MKRN3: variants seen among roughly 807,000 people sequenced by gnomAD.
The protein encoded by MKRN3 is makorin ring finger protein 3, also known as E3 ubiquitin-protein ligase makorin-3.
For synonymous variants in MKRN3, 301 were observed against 250.2 expected, an observed-to-expected ratio of 1.20 and a Z score of -1.91; for missense variants, 749 against 667.0, an observed-to-expected ratio of 1.12 and a Z score of -1.35.
Position 23,567,633 on chromosome 15 carries a change from G to C in MKRN3, c.*327G>C. 2 of 1,113,852 alleles carry C rather than the reference G, an allele frequency of 1.8e-6. No homozygotes were observed. The highest frequency in any genetic ancestry group is 2.2e-6 in the Non-Finnish European group (2 of 902,382). The allele number at this position is 1,113,852 out of a possible 1,614,324, so 69.0% of individuals were successfully genotyped here. A position where few individuals can be genotyped will look rare whatever the true frequency, so the allele number is the denominator to read the frequency against. ...ATTTTGAAGACCCTCAAGAGTAAATGTGGCAGAGTGAAAGGAGAAGTTTTA... is the reference window on the plus strand; with the variant it reads ...ATTTTGAAGACCCTCAAGAGTAAATCTGGCAGAGTGAAAGGAGAAGTTTTA... On this transcript the variant is annotated 3_prime_UTR_variant, in exon 1 of 1. Coordinates refer to ENST00000314520, the MANE Select transcript of MKRN3 (RefSeq NM_005664.4).
In MKRN3 at chr15:23,566,453, C is replaced by T. The variant is rs1218145573; in HGVS notation, c.671C>T (p.Pro224Leu). Residue 224 changes from proline to leucine, a missense_variant, in exon 1 of 1, where the codon CCT (proline) becomes CTT (leucine). By Grantham distance (98) the Pro-to-Leu change is moderately conservative. Transcript: ENST00000314520. ...GRWVASAPEA[P>L]LQSSETERKQ... ...TGGGTTGCATCTGCCCCCGAGGCTC[C>T]TCTACAGAGCTCAGAGACTGAGAGG... The T allele has an allele frequency of 1.3e-5, 21 of 1,614,000 alleles. No homozygotes were observed. Among genetic ancestry groups the T allele is most frequent in the Non-Finnish European group, 1.7e-5 (20 of 1,180,006 alleles).
rs1444142178 is a variant in MKRN3, at chr15:23,567,555, TGTC to T, written c.*250_*252del. 3 of 1,344,106 alleles carry T rather than the reference TGTC, an allele frequency of 2.2e-6. No individual in the cohort carries two copies. The African/African-American group carries it at 4.4e-5, about 20-fold the overall frequency. The allele number at this position is 1,344,106 out of a possible 1,614,324, so 83.3% of individuals were successfully genotyped here. On this transcript the variant is annotated 3_prime_UTR_variant, in exon 1 of 1. Coordinates refer to ENST00000314520, the MANE Select transcript of MKRN3 (RefSeq NM_005664.4). ...TATGGCTTTTTTTTGTCATCTCTGT[TGTC>T]AACAGGATTAACTCAGTTCTAGTGT...
chr15:23,565,815 C>G lies in MKRN3; in HGVS notation c.33C>G (p.His11Gln). The change falls in exon 1 of 1, where the codon CAC (histidine) becomes CAG (glutamine). Residue 11 changes from histidine to glutamine, a missense_variant. Physicochemically the swap from His to Gln is conservative, Grantham distance 24 (BLOSUM62 0). Coordinates refer to ENST00000314520, the MANE Select transcript of MKRN3 (RefSeq NM_005664.4). ...AGCCTGCAGCTCCCTCAGAAGCCCA[C>G]GAGGCAGCCGGGGCCCAGGCAGGTG... MEEPAAPSEA[H>Q]EAAGAQAGAE... 6.2e-7 allele frequency: 1 copy of G among 1,608,416 alleles called. No individual in the cohort carries two copies. Among genetic ancestry groups the G allele is most frequent in the Non-Finnish European group, 8.5e-7 (1 of 1,176,282 alleles).
At position 23,567,510 on chromosome 15, in the gene MKRN3, A is replaced by C; in HGVS notation, c.*204A>C. The C allele has an allele frequency of 7.1e-7, 1 of 1,407,620 alleles. No homozygotes were observed. The allele number at this position is 1,407,620 out of a possible 1,614,324, so 87.2% of individuals were successfully genotyped here. On this transcript the variant is annotated 3_prime_UTR_variant, in exon 1 of 1. Coordinates refer to ENST00000314520, the MANE Select transcript of MKRN3 (RefSeq NM_005664.4). ...GTCCTTAAAGTTACTGTTTTGGTGA[A>C]ATTAATATTAATGTCAGCTTATGGC...
rs1889108035 is a variant in MKRN3 at position 23,566,834 on chromosome 15, G to C, written c.1052G>C (p.Arg351Thr). ...TGTATCCGCAGGTGGAGAAGTGCCA[G>C]ACAGTTTGAGAACAGGATCGTCAAG... ...IRCIRRWRSA[R>T]QFENRIVKSC... is the part of the protein sequence containing the mutation. Residue 351 changes from arginine (R) to threonine (T), a missense_variant, in exon 1 of 1, where the codon AGA (arginine) becomes ACA (threonine). Transcript: ENST00000314520. The C allele has an allele frequency of 4.3e-6, 7 of 1,614,224 alleles. No homozygotes were observed. The highest frequency in any genetic ancestry group is 5.9e-6 in the Non-Finnish European group (7 of 1,180,038).
In MKRN3 at chr15:23,566,669, A is replaced by G. The variant is rs1218349506; in HGVS notation, c.887A>G (p.Asp296Gly). ...MRACIEAHEK[D>G]MELSFAVQRG... ...GCCTGCATTGAAGCACACGAGAAAG[A>G]TATGGAACTCTCGTTTGCTGTGCAG... The change falls in exon 1 of 1, where the codon GAT becomes GGT. Residue 296 changes from aspartate (D) to glycine (G), a missense_variant. Physicochemically the swap from Asp to Gly is moderately conservative, Grantham distance 94 (BLOSUM62 -1). Transcript: ENST00000314520. 1 of 1,614,186 alleles carries G rather than the reference A, an allele frequency of 6.2e-7. No individual in the cohort carries two copies.
rs199803521 is a variant in MKRN3 at position 23,566,243 on chromosome 15, A to C, written c.461A>C (p.Gln154Pro). ...GCTGCGCACATCGAGCCCCCGACTC[A>C]GGAAGTGGCGGAAGCCCCCCCGGCT... ...STAAHIEPPT[Q>P]EVAEAPPAAS... Residue 154 changes from glutamine (Q) to proline (P), a missense_variant, in exon 1 of 1, where the codon CAG (glutamine) becomes CCG (proline). Gln to Pro is a moderately conservative substitution (Grantham distance 76). Transcript: ENST00000314520. 2 of 1,613,724 alleles carry C rather than the reference A, an allele frequency of 1.2e-6. No individual in the cohort carries two copies. Among genetic ancestry groups the C allele is most frequent in the South Asian group, 1.1e-5 (1 of 91,084 alleles).
chr15:23,567,201 G>GTTGT lies in MKRN3; in HGVS notation c.1422_1425dup (p.Lys476ValfsTer2), dbSNP rs1566765362. ...TTGTCGTGCTTCGGCTGGCCAGTCT[G>GTTGT]TTGTTTAAGCGGTTTCTTTCACTGA... is the stretch of plus-strand genomic sequence containing the variant. On this transcript the variant is annotated frameshift_variant, in exon 1 of 1. Coordinates refer to ENST00000314520, the MANE Select transcript of MKRN3 (RefSeq NM_005664.4). LOFTEE classifies it low-confidence loss of function (END_TRUNC). 5.0e-6 allele frequency: 8 copies of GTTGT among 1,614,212 alleles called. No individual in the cohort carries two copies. The highest frequency in any genetic ancestry group is 6.8e-6 in the Non-Finnish European group (8 of 1,180,046).
Position 23,567,193 on chromosome 15 carries a change from G to A in MKRN3, c.1411G>A (p.Ala471Thr). ...GAAGGAGCTTGTCGTGCTTCGGCTG[G>A]CCAGTCTGTTGTTTAAGCGGTTTCT... ...IKKELVVLRL[A>T]SLLFKRFLSL... Residue 471 changes from alanine to threonine, a missense_variant, in exon 1 of 1, where the codon GCC (alanine) becomes ACC (threonine). Physicochemically the swap from Ala to Thr is moderately conservative, Grantham distance 58. Coordinates refer to ENST00000314520, the MANE Select transcript of MKRN3 (RefSeq NM_005664.4). 6.2e-7 allele frequency: 1 copy of A among 1,614,222 alleles called. No individual in the cohort carries two copies. The highest frequency in any genetic ancestry group is 1.1e-5 in the South Asian group (1 of 91,090).
chr15:23,565,765 C>G lies in MKRN3; in HGVS notation c.-18C>G, dbSNP rs373047611. 4 of 1,563,442 alleles carry G rather than the reference C, an allele frequency of 2.6e-6. No homozygotes were observed. In the South Asian group the frequency reaches 4.6e-5, roughly 18 times the overall value. ...TACCGGAGAGGTTCTGGCACCATTT[C>G]GGGGTGCCAAAGCAGCCATGGAAGA... On this transcript the variant is annotated 5_prime_UTR_variant, in exon 1 of 1. Transcript: ENST00000314520.
In MKRN3 at chr15:23,567,452, A is replaced by G. The variant is rs775822373; in HGVS notation, c.*146A>G. Reference sequence around the variant, plus strand: ...GTCTATTCTGCATATCTTTCCCCCTAGGATTATGGTGATTATCTGTGTTAA... The same window carrying G: ...GTCTATTCTGCATATCTTTCCCCCTGGGATTATGGTGATTATCTGTGTTAA... On this transcript the variant is annotated 3_prime_UTR_variant, in exon 1 of 1. Coordinates refer to ENST00000314520, the MANE Select transcript of MKRN3 (RefSeq NM_005664.4). 3.4e-4 allele frequency: 503 copies of G among 1,464,956 alleles called. No individual in the cohort carries two copies. Among genetic ancestry groups the G allele is most frequent in the Non-Finnish European group, 4.5e-4 (494 of 1,106,540 alleles). The allele number at this position is 1,464,956 out of a possible 1,614,324, so 90.7% of individuals were successfully genotyped here.
At position 23,566,849 on chromosome 15, in the gene MKRN3, G is replaced by C; in HGVS notation, c.1067G>C (p.Arg356Thr). ...AGAAGTGCCAGACAGTTTGAGAACA[G>C]GATCGTCAAGTCTTGCCCACAGTGC... ...RWRSARQFEN[R>T]IVKSCPQCRV... The change falls in exon 1 of 1, where the codon AGG becomes ACG. Residue 356 changes from arginine (R) to threonine (T), a missense_variant. Physicochemically the swap from Arg to Thr is moderately conservative, Grantham distance 71 (BLOSUM62 -1). Transcript: ENST00000314520. 1 of 1,614,248 alleles carries C rather than the reference G, an allele frequency of 6.2e-7. No homozygotes were observed. The highest frequency in any genetic ancestry group is 8.5e-7 in the Non-Finnish European group (1 of 1,180,052).
rs1263127806 is a variant in MKRN3 at position 23,567,910 on chromosome 15, A to G, written c.*604A>G. On this transcript the variant is annotated 3_prime_UTR_variant, in exon 1 of 1. Coordinates refer to ENST00000314520, the MANE Select transcript of MKRN3 (RefSeq NM_005664.4). ...GGAAATATATATTTAAGAATTATAT[A>G]TATAAAAATATATATGTATAAGAGT... 1.3e-6 allele frequency: 1 copy of G among 761,892 alleles called. No individual in the cohort carries two copies. The highest frequency in any genetic ancestry group is 1.6e-6 in the Non-Finnish European group (1 of 615,188). 47.2% of individuals were successfully genotyped at this position (761,892 alleles called of 1,614,324 possible).
rs1172350929 is a variant in MKRN3 at position 23,566,410 on chromosome 15, C to A, written c.628C>A (p.Gln210Lys). ...WADAIEFVPG[Q>K]PYRGRWVASA... is the part of the protein sequence containing the mutation. ...GGATGCCATTGAGTTTGTTCCAGGG[C>A]AGCCCTACCGGGGCCGCTGGGTTGC... Residue 210 changes from glutamine (Q) to lysine (K), a missense_variant, in exon 1 of 1, where the codon CAG (glutamine) becomes AAG (lysine). Transcript: ENST00000314520. 1.2e-6 allele frequency: 2 copies of A among 1,614,144 alleles called. No individual in the cohort carries two copies. The highest frequency in any genetic ancestry group is 1.7e-5 in the Admixed American group (1 of 60,020).
rs749192860 is a variant in MKRN3, at chr15:23,566,552, G to A, written c.770G>A (p.Ser257Asn). The change falls in exon 1 of 1, where the codon AGC becomes AAC. Residue 257 changes from serine to asparagine, a missense_variant. Coordinates refer to ENST00000314520, the MANE Select transcript of MKRN3 (RefSeq NM_005664.4). ...ASRGVCFRGE[S>N]CMYLHGDICD... is the part of the protein sequence containing the mutation. The stretch of plus-strand genomic sequence containing the variant: ...AGGGGAGTTTGCTTTCGTGGGGAGA[G>A]CTGTATGTACCTCCATGGAGACATA... The A allele has an allele frequency of 6.2e-7, 1 of 1,614,180 alleles. No individual in the cohort carries two copies.
chr15:23,566,257 GC>G lies in MKRN3; in HGVS notation c.482del (p.Pro161ArgfsTer10), dbSNP rs763195944. On this transcript the variant is annotated frameshift_variant, in exon 1 of 1. Transcript: ENST00000314520. LOFTEE classifies it low-confidence loss of function (END_TRUNC). Reference sequence around the variant, plus strand: ...GCCCCCGACTCAGGAAGTGGCGGAAGCCCCCCCGGCTGCATCCTCCCTTTCC... The same window carrying G: ...GCCCCCGACTCAGGAAGTGGCGGAAGCCCCCCGGCTGCATCCTCCCTTTCC... ...IEPPTQEVAEAPPAASSLSLP... is the reference protein window; with the variant it reads ...IEPPTQEVAEXPPAASSLSLP... The G allele has an allele frequency of 3.1e-6, 5 of 1,613,750 alleles. No homozygotes were observed. Among genetic ancestry groups the G allele is most frequent in the African/African-American group, 1.3e-5 (1 of 75,064 alleles).
rs745694373 is a variant in MKRN3, at chr15:23,566,183, C to T, written c.401C>T (p.Pro134Leu). The change falls in exon 1 of 1, where the codon CCG (proline) becomes CTG (leucine). Residue 134 changes from proline (P) to leucine (L), a missense_variant. Transcript: ENST00000314520. The part of the protein sequence containing the change: ...RKMATEGGVS[P>L]PGASAGGGPS... ...ATGGCCACTGAGGGTGGCGTTTCGC[C>T]GCCTGGGGCCTCTGCAGGTGGAGGC... is the stretch of plus-strand genomic sequence containing the variant. The T allele has an allele frequency of 3.0e-5, 49 of 1,613,628 alleles. No individual in the cohort carries two copies. The East Asian group carries it at 6.5e-4, about 21-fold the overall frequency.
chr15:23,567,535 CT>C lies in MKRN3; in HGVS notation c.*237del, dbSNP rs201081729. 1.2e-4 allele frequency: 158 copies of C among 1,371,316 alleles called. No individual in the cohort carries two copies. The highest frequency in any genetic ancestry group is 1.7e-4 in the Admixed American group (5 of 28,610). The allele number at this position is 1,371,316 out of a possible 1,614,324, so 84.9% of individuals were successfully genotyped here. ...AATTAATATTAATGTCAGCTTATGG[CT>C]TTTTTTTGTCATCTCTGTTGTCAAC... On this transcript the variant is annotated 3_prime_UTR_variant, in exon 1 of 1. Transcript: ENST00000314520.
chr15:23,567,191 T>C lies in MKRN3; in HGVS notation c.1409T>C (p.Leu470Pro). The part of the protein sequence containing the change: ...SIKKELVVLR[L>P]ASLLFKRFLS... ...AAGAAGGAGCTTGTCGTGCTTCGGC[T>C]GGCCAGTCTGTTGTTTAAGCGGTTT... The change falls in exon 1 of 1, where the codon CTG (leucine) becomes CCG (proline). Residue 470 changes from leucine (L) to proline (P), a missense_variant. Transcript: ENST00000314520. 6.2e-7 allele frequency: 1 copy of C among 1,614,240 alleles called. No homozygotes were observed. The highest frequency in any genetic ancestry group is 8.5e-7 in the Non-Finnish European group (1 of 1,180,040).
Sources: allele counts gnomAD v4.1 joint callset, GRCh38; gene constraint gnomAD v4.1.1; transcripts MANE v1.5; gene names NCBI Gene and HGNC (gene_info 2026-07-23, HGNC 2026-07-21).